Variants in VWC2L observed in about 807,000 individuals in gnomAD.
The protein encoded by VWC2L is von Willebrand factor C domain-containing protein 2-like.
VWC2L carries 10 observed loss-of-function variants against 21.6 expected under a neutral mutation model. The observed-to-expected ratio is 0.46, with a 90% CI of 0.29 to 0.78. The LOEUF (loss-of-function observed/expected upper bound fraction) is 0.78, where lower values mean the gene tolerates loss of function less well. VWC2L is among the 30% of genes least tolerant of loss of function. The probability of loss-of-function intolerance (pLI) is 0.10; values close to 1 mark genes in which losing one functional copy is unlikely to be tolerated. For missense variants in VWC2L, 209 were observed against 277.1 expected (o/e 0.75, Z 1.74); for synonymous variants, 96 against 94.3 (o/e 1.02, Z -0.10).
intron 2 of VWC2L, among the ~76,000 whole-genome samples, chr2:214,418,020 CCT>C (rs1386044034): frequency 6.6e-6 from 1 of 151,990 alleles, no homozygotes; most frequent in Non-Finnish European, 1.5e-5. Context: ...GCTTTTTTTC[CCT>C]GTGTGTTTGC....
At chr2:214,424,834 G>C (rs1702497987) in intron 2 of VWC2L, among the ~76,000 whole-genome samples, 2 of 152,036 alleles carry the variant, frequency 1.3e-5, no homozygotes, top group South Asian at 4.1e-4. Context: ...TTTGTCCTTT[G>C]TAAAGTTCCC....
At chr2:214,522,268 C>T (rs564751381) in intron 3 of VWC2L, among the ~76,000 whole-genome samples, 2 of 148,392 alleles carry the variant, frequency 1.3e-5, no homozygotes, top group Admixed American at 1.4e-4. Context: ...CCAGCTACTC[C>T]GGAGGGTGAC....
chr2:214,422,154 C>T (rs6740073), intron 2 of VWC2L, among the ~76,000 whole-genome samples: 1 of 151,978 alleles, frequency 6.6e-6, no homozygotes, highest in Non-Finnish European at 1.5e-5. Context: ...TCCCAAAGTG[C>T]TGGGATTACA....
intron 3 of VWC2L, among the ~76,000 whole-genome samples, chr2:214,456,797 A>G (rs968791154): frequency 4.6e-5 from 7 of 151,990 alleles, no homozygotes; most frequent in Non-Finnish European, 8.8e-5. Flanking sequence ...ATGAACATCT[A>G]CTTTTCCCAG....
At chr2:214,462,993 A>G (rs1194480643) in intron 3 of VWC2L, among the ~76,000 whole-genome samples, 2 of 152,186 alleles carry the variant, frequency 1.3e-5, no homozygotes, top group South Asian at 4.1e-4. Context: ...AACATTTTTT[A>G]TAACTCAAAT....
chr2:214,548,719 C>T (rs1689747657), intron 3 of VWC2L, among the ~76,000 whole-genome samples: 2 of 152,192 alleles, frequency 1.3e-5, no homozygotes, highest in South Asian at 4.1e-4. Flanking sequence ...TAGGCTAGAC[C>T]AAGCTCTTAG....
intron 3 of VWC2L, among the ~76,000 whole-genome samples, chr2:214,449,392 T>C (rs1368767967): frequency 2.0e-5 from 3 of 152,198 alleles, no homozygotes; most frequent in Non-Finnish European, 4.4e-5. Context: ...ATCAACAGAA[T>C]TTAATGTGAA....
chr2:214,531,061 A>G (rs1689425870), intron 3 of VWC2L, among the ~76,000 whole-genome samples: 1 of 152,198 alleles, frequency 6.6e-6, no homozygotes. Flanking sequence ...CCTTAAGTGA[A>G]CTTAACTGTG....
chr2:214,473,516 G>A (rs1326099537), intron 3 of VWC2L, among the ~76,000 whole-genome samples: 2 of 152,122 alleles, frequency 1.3e-5, no homozygotes, highest in African/African-American at 2.4e-5. Context: ...AGTGAGAAAA[G>A]CATGGAGGAC....
At chr2:214,564,540 T>C (rs780995595) in intron 3 of VWC2L, among the ~76,000 whole-genome samples, 9 of 152,052 alleles carry the variant, frequency 5.9e-5, no homozygotes, top group Non-Finnish European at 1.0e-4. Context: ...CAGCTACGCA[T>C]GGTAGTGGCT....
intron 3 of VWC2L, among the ~76,000 whole-genome samples, chr2:214,502,394 AC>A (rs1292852249): frequency 1.3e-5 from 2 of 151,726 alleles, no homozygotes; most frequent in Admixed American, 1.3e-4. Context: ...ATATGGTGAA[AC>A]CCCCCCTCTA....
intron 3 of VWC2L, among the ~76,000 whole-genome samples, chr2:214,546,834 A>G (rs1464756424): frequency 6.6e-6 from 1 of 152,168 alleles, no homozygotes; most frequent in Non-Finnish European, 1.5e-5. Flanking sequence ...AAGTGATTCT[A>G]TGCCAAACTC....
intron 3 of VWC2L, among the ~76,000 whole-genome samples, chr2:214,557,487 G>T (rs777685840): frequency 2.6e-5 from 4 of 152,044 alleles, no homozygotes; most frequent in Non-Finnish European, 5.9e-5. Flanking sequence ...CCACAATATT[G>T]CTGAGCTCTG....
chr2:214,459,593 G>A (rs889262899), intron 3 of VWC2L, among the ~76,000 whole-genome samples: 19 of 152,144 alleles, frequency 1.2e-4, no homozygotes, highest in African/African-American at 4.6e-4. Context: ...GGTTGATATT[G>A]TCCTTTCACT....
At chr2:214,418,011 C>T (rs1702381737) in intron 2 of VWC2L, among the ~76,000 whole-genome samples, 1 of 152,060 alleles carries the variant, frequency 6.6e-6, no homozygotes, top group South Asian at 2.1e-4. Flanking sequence ...CTCTTGGTGG[C>T]TTTTTTTCCC....
intron 3 of VWC2L, among the ~76,000 whole-genome samples, chr2:214,445,211 C>T (rs180718734): frequency 3.3e-3 from 495 of 151,708 alleles, no homozygotes; most frequent in Non-Finnish European, 5.7e-3. Flanking sequence ...ATGTATGGAC[C>T]TTTAATGCAG....
At chr2:214,479,999 T>C (rs1688580006) in intron 3 of VWC2L, among the ~76,000 whole-genome samples, 1 of 152,182 alleles carries the variant, frequency 6.6e-6, no homozygotes, top group Admixed American at 6.5e-5. Context: ...TGTAATTACT[T>C]TCTAAATAAT....
chr2:214,501,489 G>A (rs572331801), intron 3 of VWC2L, among the ~76,000 whole-genome samples: 64 of 152,188 alleles, frequency 4.2e-4, no homozygotes, highest in Non-Finnish European at 5.3e-4. Context: ...TTGGGAGTCC[G>A]AGGCGGTGAA....
At chr2:214,510,232 A>C (rs185309173) in intron 3 of VWC2L, 1 of 152,214 alleles carries the variant, frequency 6.6e-6, no homozygotes. Context: ...TGAATTGATT[A>C]TCATAGATTG....
Sources: allele counts gnomAD v4.1 joint callset (sites outside exome capture counted in the v4.1 genomes callset), GRCh38; gene constraint gnomAD v4.1.1; transcripts MANE v1.5; gene names NCBI Gene and HGNC (gene_info 2026-07-23, HGNC 2026-07-21).